The following GOLGA1 variants were observed in gnomAD, a reference collection of about 807,000 sequenced individuals.
The protein encoded by GOLGA1 is golgin subfamily A member 1.
A neutral mutation model predicts 119.7 loss-of-function variants in GOLGA1; 63 were observed. The observed-to-expected ratio is 0.53, with a 90% CI of 0.43 to 0.65. GOLGA1 has a LOEUF of 0.65. Among genes scored for constraint, GOLGA1 ranks in the 30% least tolerant of loss-of-function variants. GOLGA1 has a pLI of 0.00. For missense variants in GOLGA1, 798 were observed against 912.8 expected, an observed-to-expected ratio of 0.87 and a Z score of 1.62; for synonymous variants, 318 against 333.4, an observed-to-expected ratio of 0.95 and a Z score of 0.50.
intron 8 of GOLGA1, among the ~76,000 whole-genome samples, 186 bp downstream of exon 8, chr9:124,922,909 G>T (rs1375845795): frequency 6.6e-6 from 1 of 151,506 alleles, no homozygotes; most frequent in Non-Finnish European, 1.5e-5. Flanking sequence ...AACAGAAAAA[G>T]AACATTTTAA....
intron 10 of GOLGA1, among the ~76,000 whole-genome samples, chr9:124,917,194 A>C (rs1392657515): frequency 6.6e-6 from 1 of 152,170 alleles, no homozygotes; most frequent in Admixed American, 6.5e-5. Context: ...CTTCCAAAGG[A>C]AAAAGGAATG....
At chr9:124,920,736 C>A (rs553718521) in intron 10 of GOLGA1, among the ~76,000 whole-genome samples, 1 of 151,746 alleles carries the variant, frequency 6.6e-6, no homozygotes, top group African/African-American at 2.4e-5. Flanking sequence ...GAGTTTGAGA[C>A]CAGCCTGGCC....
At chr9:124,928,094 T>A (rs1830706307) in intron 6 of GOLGA1, 94 bp downstream of exon 6, 3 of 571,482 alleles carry the variant, frequency 5.2e-6, no homozygotes, top group Non-Finnish European at 9.4e-6. Flanking sequence ...TCCTAGGCTA[T>A]AAATATTTTC....
intron 1 of GOLGA1, among the ~76,000 whole-genome samples, chr9:124,940,688 A>C (rs949437769): frequency 2.6e-5 from 4 of 152,204 alleles, no homozygotes; most frequent in African/African-American, 9.7e-5. Flanking sequence ...TGTCAAAGAA[A>C]GGAAGGATCC....
rs370869511 is a variant in GOLGA1, at chr9:124,902,260, T to C, written c.1066-1713A>G. On this transcript the variant is annotated intron_variant, in intron 12 of 22. Coordinates refer to ENST00000373555, the MANE Select transcript of GOLGA1 (RefSeq NM_002077.4). The stretch of plus-strand genomic sequence containing the variant: ...CTGAGTAGCTGGGACTACAGGCAAC[T>C]GCCACCATACCCAGCTAATTTTTTC... 5.9e-5 allele frequency among the ~76,000 whole-genome samples: 9 copies of C among 151,616 alleles called. No homozygotes were observed. The East Asian group carries it at 1.2e-3, about 20-fold the overall frequency.
In GOLGA1 at chr9:124,935,596, A is replaced by C. The variant is rs577699254; in HGVS notation, c.135+2981T>G. Among the ~76,000 whole-genome samples the C allele has an allele frequency of 2.0e-5, 3 of 152,194 alleles. No homozygotes were observed. The East Asian group carries it at 5.8e-4, about 29-fold the overall frequency. On this transcript the variant is annotated intron_variant, in intron 3 of 22. Transcript: ENST00000373555. ...AGGATTGCCTGAACTCAGGAGTTCA[A>C]GACCAGACTGGGCACACGGTGAAAC...
intron 10 of GOLGA1, among the ~76,000 whole-genome samples, chr9:124,917,825 G>A (rs142231527): frequency 4.6e-5 from 7 of 151,946 alleles, no homozygotes; most frequent in Non-Finnish European, 7.4e-5. Context: ...AGTGTTCTAC[G>A]GCTCCAACTG....
chr9:124,899,653 T>C (rs1449514129), intron 13 of GOLGA1, among the ~76,000 whole-genome samples, 175 bp from the exon 14 acceptor site: 1 of 152,214 alleles, frequency 6.6e-6, no homozygotes, highest in Non-Finnish European at 1.5e-5. Context: ...TCCTGGACCC[T>C]GGCCTGTCCA....
chr9:124,925,359 A>ATTTT (rs11357664), intron 7 of GOLGA1, among the ~76,000 whole-genome samples: 2 of 141,934 alleles, frequency 1.4e-5, no homozygotes, highest in African/African-American at 5.2e-5. Flanking sequence ...ATGGTTGAGG[A>ATTTT]TTTTTTTTTT....
Position 124,909,804 on chromosome 9 carries a change from G to A in GOLGA1, c.970-1332C>T, listed in dbSNP as rs143669601. Among the ~76,000 whole-genome samples, 123 of 152,092 alleles carry A rather than the reference G, an allele frequency of 8.1e-4. No individual in the cohort carries two copies. In the East Asian group the frequency reaches 0.019, roughly 24 times the overall value. ...TTTGAGATGGAATTTCACTCTTGTC[G>A]CTCAGGCTGGAAAGTAGTGGTGCGA... is the stretch of plus-strand genomic sequence containing the variant. On this transcript the variant is annotated intron_variant, in intron 11 of 22. Coordinates refer to ENST00000373555, the MANE Select transcript of GOLGA1 (RefSeq NM_002077.4).
At chr9:124,937,718 G>A (rs540008052) in intron 3 of GOLGA1, among the ~76,000 whole-genome samples, 12 of 151,892 alleles carry the variant, frequency 7.9e-5, no homozygotes, top group African/African-American at 2.9e-4. Flanking sequence ...TTTTAAGCAT[G>A]ACATTTCCCT....
At chr9:124,937,582 G>C (rs980326701) in intron 3 of GOLGA1, among the ~76,000 whole-genome samples, 1 of 150,514 alleles carries the variant, frequency 6.6e-6, no homozygotes, top group African/African-American at 2.5e-5. Context: ...AATGAGCTGA[G>C]ATCATGCCAC....
intron 9 of GOLGA1, among the ~76,000 whole-genome samples, chr9:124,921,518 C>A (rs912705065): frequency 6.6e-6 from 1 of 152,158 alleles, no homozygotes; most frequent in Non-Finnish European, 1.5e-5. Flanking sequence ...CAGGGTGGAA[C>A]TGTCCTGAGT....
At chr9:124,927,256 GA>G (rs1830692357) in intron 6 of GOLGA1, among the ~76,000 whole-genome samples, 1 of 152,034 alleles carries the variant, frequency 6.6e-6, no homozygotes, top group African/African-American at 2.4e-5. Context: ...TAAGTCAAAA[GA>G]AAAAGAATTA....
Position 124,935,982 on chromosome 9 carries a change from T to C in GOLGA1, c.135+2595A>G, listed in dbSNP as rs75889899. Among the ~76,000 whole-genome samples, 845 of 152,228 alleles carry C rather than the reference T, an allele frequency of 5.6e-3. 3 individuals carry two copies. The highest frequency in any genetic ancestry group is 8.2e-3 in the Non-Finnish European group (555 of 68,014). ...GAGGAGGGATCTGTTTGGAGAAACA[T>C]ATGCAGTTGGATATAAGGGTCTGGA... is the stretch of plus-strand genomic sequence containing the variant. On this transcript the variant is annotated intron_variant, in intron 3 of 22. Transcript: ENST00000373555.
chr9:124,884,574 C>T (rs937839123), intron 19 of GOLGA1, among the ~76,000 whole-genome samples: 7 of 152,122 alleles, frequency 4.6e-5, no homozygotes, highest in Admixed American at 2.0e-4. Flanking sequence ...TTTCCCCAAG[C>T]GAGGAATCCC....
chr9:124,919,725 G>T (rs1830523973), intron 10 of GOLGA1, among the ~76,000 whole-genome samples: 1 of 152,128 alleles, frequency 6.6e-6, no homozygotes, highest in Non-Finnish European at 1.5e-5. Context: ...ATGAGGGTAG[G>T]GTGGATGGCA....
At chr9:124,894,891 AAC>A (rs1829928894) in intron 15 of GOLGA1, among the ~76,000 whole-genome samples, 1 of 152,038 alleles carries the variant, frequency 6.6e-6, no homozygotes, top group African/African-American at 2.4e-5. Flanking sequence ...GAACCTCCAC[AAC>A]AGAGACCCAT....
At chr9:124,889,794 C>T (rs752927434) in intron 16 of GOLGA1, among the ~76,000 whole-genome samples, 6 of 152,220 alleles carry the variant, frequency 3.9e-5, no homozygotes, top group Admixed American at 1.3e-4. Flanking sequence ...GGCCATTCTG[C>T]CCAGCCCAAC....
Sources: allele counts gnomAD v4.1 joint callset (sites outside exome capture counted in the v4.1 genomes callset), GRCh38; gene constraint gnomAD v4.1.1; transcripts MANE v1.5; gene names NCBI Gene and HGNC (gene_info 2026-07-23, HGNC 2026-07-21).